AKT3: variants seen among roughly 807,000 people sequenced by gnomAD.
AKT3 encodes the protein RAC-gamma serine/threonine-protein kinase.
Under a neutral mutation model 65.3 loss-of-function variants are expected in AKT3, and 15 were observed. The observed-to-expected ratio is 0.23, with a 90% CI of 0.15 to 0.35. The LOEUF (loss-of-function observed/expected upper bound fraction) is 0.35. Among genes scored for constraint, AKT3 ranks in the 10% least tolerant of loss-of-function variants. The pLI is 1.00. For missense variants in AKT3, 243 were observed against 576.5 expected (o/e 0.42, Z 5.92); for synonymous variants, 206 against 183.8 (o/e 1.12, Z -0.98).
intron 12 of AKT3, among the ~76,000 whole-genome samples, chr1:243,531,217 A>G (rs903942309): frequency 1.3e-5 from 2 of 152,128 alleles, no homozygotes; most frequent in African/African-American, 2.4e-5. Flanking sequence ...CAGCCTCCTG[A>G]GTAGCTGAGA....
chr1:243,849,522 C>G (rs985500790), intron 1 of AKT3, among the ~76,000 whole-genome samples: 2 of 151,664 alleles, frequency 1.3e-5, no homozygotes, highest in Admixed American at 1.3e-4. Context: ...GCCTCAGCGC[C>G]AGGGCGCGCG....
At chr1:243,597,853 G>C (rs1676733803) in intron 8 of AKT3, among the ~76,000 whole-genome samples, 1 of 152,314 alleles carries the variant, frequency 6.6e-6, no homozygotes, top group Non-Finnish European at 1.5e-5. Context: ...TAAGCACATA[G>C]TACAGTGCCT....
intron 7 of AKT3, among the ~76,000 whole-genome samples, chr1:243,614,593 T>C (rs1678154939): frequency 6.6e-6 from 1 of 152,166 alleles, no homozygotes; most frequent in African/African-American, 2.4e-5. Flanking sequence ...CTCTAATGTA[T>C]TTAGCATTCC....
chr1:243,562,662 A>C (rs940764730), intron 10 of AKT3, among the ~76,000 whole-genome samples: 10 of 152,146 alleles, frequency 6.6e-5, no homozygotes, highest in Non-Finnish European at 1.0e-4. Flanking sequence ...GTCCAGACTC[A>C]TGGAGAGAAG....
chr1:243,660,545 T>A (rs1373826612), intron 4 of AKT3, among the ~76,000 whole-genome samples: 1 of 152,208 alleles, frequency 6.6e-6, no homozygotes, highest in African/African-American at 2.4e-5. Flanking sequence ...AAATTAGGTA[T>A]TGATGGGATG....
intron 2 of AKT3, among the ~76,000 whole-genome samples, chr1:243,825,481 T>C (rs970976871): frequency 2.0e-5 from 3 of 152,042 alleles, no homozygotes; most frequent in African/African-American, 7.3e-5. Flanking sequence ...AATAAGAAAA[T>C]AAGGGATAAT....
chr1:243,757,098 C>G, intron 2 of AKT3, among the ~76,000 whole-genome samples: 1 of 152,164 alleles, frequency 6.6e-6, no homozygotes, highest in South Asian at 2.1e-4. Flanking sequence ...CCCTGACAAT[C>G]AAATGCACAG....
intron 7 of AKT3, 54 bp from the exon 8 acceptor site, chr1:243,613,793 T>TATAATAGTACTAAAAATAGTACTAA: frequency 8.9e-7 from 1 of 1,123,642 alleles, no homozygotes; most frequent in Non-Finnish European, 1.3e-6. Flanking sequence ...TTCTTATAAT[T>TATAATAGTACTAAAAATAGTACTAA]ATAATAGTAC....
At chr1:243,808,866 G>A (rs1274573326) in intron 2 of AKT3, among the ~76,000 whole-genome samples, 1 of 152,146 alleles carries the variant, frequency 6.6e-6, no homozygotes, top group Non-Finnish European at 1.5e-5. Flanking sequence ...AAGAGTGTGG[G>A]GGCCAATATT....
chr1:243,498,684 C>T (rs1443169576), downstream of AKT3, among the ~76,000 whole-genome samples: 4 of 152,226 alleles, frequency 2.6e-5, no homozygotes, highest in African/African-American at 7.2e-5. Flanking sequence ...CTCTTGAATG[C>T]GGATTCAGTT....
chr1:243,587,865 C>A (rs1028906663), intron 8 of AKT3, among the ~76,000 whole-genome samples: 1 of 151,978 alleles, frequency 6.6e-6, no homozygotes, highest in African/African-American at 2.4e-5. Flanking sequence ...GAAAAGTCAA[C>A]AGGACTGAAC....
intron 2 of AKT3, among the ~76,000 whole-genome samples, chr1:243,699,511 A>ATG (rs1685301278): frequency 2.7e-5 from 3 of 113,142 alleles, no homozygotes; most frequent in African/African-American, 1.0e-4. Context: ...ATATATATAT[A>ATG]TAATCTTCAT....
At position 243,757,329 on chromosome 1, in the gene AKT3, C is replaced by CATT. The variant is rs1284168072; in HGVS notation, c.47-61616_47-61614dup. ...CTCTCAAATGGTTCATTAGAAAAAG[C>CATT]ATTATGTGCTCAGTGCACTGGCTCA... On this transcript the variant is annotated intron_variant, in intron 2 of 13. Transcript: ENST00000673466. Among the ~76,000 whole-genome samples, 17 of 152,286 alleles carry CATT rather than the reference C, an allele frequency of 1.1e-4. No individual in the cohort carries two copies. In the South Asian group the frequency reaches 3.3e-3, roughly 30 times the overall value.
intron 2 of AKT3, among the ~76,000 whole-genome samples, chr1:243,768,227 T>C (rs1689953941): frequency 6.6e-6 from 1 of 151,702 alleles, no homozygotes; most frequent in Non-Finnish European, 1.5e-5. Context: ...TTACATTACT[T>C]AAGGCAAAAA....
chr1:243,760,209 T>A (rs1689396833), intron 2 of AKT3, among the ~76,000 whole-genome samples: 1 of 150,454 alleles, frequency 6.6e-6, no homozygotes. Flanking sequence ...AGCCTCAACC[T>A]CCTGGGCTCA....
chr1:243,813,818 A>AATT (rs1693344419), intron 2 of AKT3, among the ~76,000 whole-genome samples: 1 of 152,230 alleles, frequency 6.6e-6, no homozygotes, highest in South Asian at 2.1e-4. Flanking sequence ...TTTAAAGAGT[A>AATT]TATGGACTGG....
At chr1:243,636,504 A>C (rs1208538885) in intron 6 of AKT3, among the ~76,000 whole-genome samples, 1 of 152,078 alleles carries the variant, frequency 6.6e-6, no homozygotes, top group Non-Finnish European at 1.5e-5. Flanking sequence ...AATACCTTAC[A>C]TATCCCAATC....
At chr1:243,580,941 T>C (rs1411546219) in intron 8 of AKT3, among the ~76,000 whole-genome samples, 4 of 152,136 alleles carry the variant, frequency 2.6e-5, no homozygotes, top group African/African-American at 7.2e-5. Flanking sequence ...GAGCACCTCC[T>C]TGCCTGCTTC....
Position 243,504,855 on chromosome 1 carries a change from G to A in AKT3, c.*394C>T. The A allele has an allele frequency of 8.6e-6, 2 of 233,694 alleles. No individual in the cohort carries two copies. The highest frequency in any genetic ancestry group is 8.4e-6 in the Non-Finnish European group (1 of 119,166). 14.5% of individuals were successfully genotyped at this position (233,694 alleles called of 1,614,324 possible). ...TTTCTCTTCTAGAAAGTTAAAAAAT[G>A]TACCTAGAATCAGTGTATCTCATTT... On this transcript the variant is annotated 3_prime_UTR_variant, in exon 14 of 14. Transcript: ENST00000673466.
Sources: gnomAD v4.1 joint callset for allele counts (sites outside exome capture counted in the v4.1 genomes callset) on GRCh38, gnomAD v4.1.1 for gene constraint, MANE v1.5 for transcripts, NCBI Gene and HGNC (gene_info 2026-07-23, HGNC 2026-07-21) for gene names.